ROBO1: variants seen among roughly 807,000 people sequenced by gnomAD.
The protein encoded by ROBO1 is roundabout homolog 1.
Under a neutral mutation model 195.9 loss-of-function variants are expected in ROBO1, and 149 were observed. That is an observed-to-expected ratio of 0.76 (90% confidence interval 0.67 to 0.87). The LOEUF is 0.87. Among genes scored for constraint, ROBO1 ranks in the 40% least tolerant of loss-of-function variants. The pLI is 0.00. For missense variants in ROBO1, 1,933 were observed against 2,068.3 expected (o/e 0.93, Z 1.27); for synonymous variants, 816 against 733.2 (o/e 1.11, Z -1.82).
intron 2 of ROBO1, among the ~76,000 whole-genome samples, chr3:79,487,957 A>C (rs184165231): frequency 6.6e-6 from 1 of 152,290 alleles, no homozygotes; most frequent in Admixed American, 6.5e-5. Flanking sequence ...AATTATGAAG[A>C]TATTAAAAAG....
chr3:79,475,808 C>T (rs1938520681), intron 2 of ROBO1, among the ~76,000 whole-genome samples: 1 of 151,966 alleles, frequency 6.6e-6, no homozygotes. Context: ...CCCCTAAGTA[C>T]AACAAAACAG....
chr3:79,681,810 G>T lies in ROBO1; in HGVS notation c.-51+85942C>A, dbSNP rs544763360. 2.0e-4 allele frequency among the ~76,000 whole-genome samples: 30 copies of T among 152,018 alleles called. 1 individual carries two copies. The Middle Eastern group carries it at 0.014, about 69-fold the overall frequency. The stretch of plus-strand genomic sequence containing the variant: ...AGTGTCATTCACAGACAACAAAACA[G>T]ACAATGGATATCATTCAGAAAAATC... On this transcript the variant is annotated intron_variant, in intron 1 of 30. Transcript: ENST00000464233.
chr3:79,554,371 TA>T (rs1942627126), intron 2 of ROBO1, among the ~76,000 whole-genome samples: 1 of 151,968 alleles, frequency 6.6e-6, no homozygotes, highest in African/African-American at 2.4e-5. Context: ...AAAGCACAAA[TA>T]AAATGTTTTA....
intron 1 of ROBO1, among the ~76,000 whole-genome samples, chr3:79,710,262 C>T (rs1702217102): frequency 6.6e-6 from 1 of 152,048 alleles, no homozygotes. Context: ...TACATGTACA[C>T]TATCTCTCTA....
At chr3:78,833,054 A>G (rs2032372244) in intron 4 of ROBO1, among the ~76,000 whole-genome samples, 1 of 152,090 alleles carries the variant, frequency 6.6e-6, no homozygotes, top group South Asian at 2.1e-4. Flanking sequence ...TTAGAAGCCA[A>G]ATGTTTAAAC....
At chr3:79,390,845 T>A (rs573201343) in intron 2 of ROBO1, among the ~76,000 whole-genome samples, 1 of 152,182 alleles carries the variant, frequency 6.6e-6, no homozygotes, top group African/African-American at 2.4e-5. Flanking sequence ...TATTTTTAGT[T>A]TGGGCATGAA....
intron 2 of ROBO1, among the ~76,000 whole-genome samples, chr3:79,558,098 T>C (rs988158063): frequency 6.6e-6 from 1 of 152,172 alleles, no homozygotes; most frequent in African/African-American, 2.4e-5. Context: ...TCTAGTACAG[T>C]TGAGCCTTGA....
intron 2 of ROBO1, among the ~76,000 whole-genome samples, chr3:79,462,009 T>C (rs575176679): frequency 6.6e-6 from 1 of 152,224 alleles, no homozygotes; most frequent in East Asian, 1.9e-4. Context: ...AATATAATAG[T>C]AAAAATAAGG....
intron 2 of ROBO1, among the ~76,000 whole-genome samples, chr3:79,252,911 T>A (rs1278326597): frequency 6.6e-6 from 1 of 152,106 alleles, no homozygotes; most frequent in Non-Finnish European, 1.5e-5. Flanking sequence ...ATGTCTTGCA[T>A]TAAATTATAC....
At chr3:78,789,579 T>C (rs1304606926) in intron 4 of ROBO1, among the ~76,000 whole-genome samples, 2 of 152,184 alleles carry the variant, frequency 1.3e-5, no homozygotes, top group Non-Finnish European at 2.9e-5. Flanking sequence ...ATGTTCTGTT[T>C]TCCCTACATG....
At chr3:79,720,797 T>TTA (rs2107292000) in intron 1 of ROBO1, among the ~76,000 whole-genome samples, 1 of 151,464 alleles carries the variant, frequency 6.6e-6, no homozygotes, top group Non-Finnish European at 1.5e-5. Flanking sequence ...TGCTAATTTT[T>TTA]TTTTTTTTTT....
At chr3:79,447,058 T>G (rs1227513187) in intron 2 of ROBO1, among the ~76,000 whole-genome samples, 1 of 152,058 alleles carries the variant, frequency 6.6e-6, no homozygotes, top group Non-Finnish European at 1.5e-5. Flanking sequence ...CTCGAACTCC[T>G]GACCTTGTGA....
chr3:79,350,685 T>C (rs1577009406), intron 2 of ROBO1, among the ~76,000 whole-genome samples: 1 of 152,178 alleles, frequency 6.6e-6, no homozygotes, highest in Non-Finnish European at 1.5e-5. Context: ...AAGAGGCTGG[T>C]CACAAAACAC....
chr3:79,632,106 C>T (rs1455182509), intron 1 of ROBO1, among the ~76,000 whole-genome samples: 1 of 152,002 alleles, frequency 6.6e-6, no homozygotes, highest in Non-Finnish European at 1.5e-5. Context: ...AACTACCATT[C>T]GACCCAGAAG....
intron 5 of ROBO1, among the ~76,000 whole-genome samples, chr3:78,721,918 G>A (rs1349206073): frequency 1.3e-5 from 2 of 151,922 alleles, no homozygotes; most frequent in African/African-American, 4.8e-5. Context: ...AGAAGGAGGG[G>A]GATTTAGTTA....
At position 78,598,619 on chromosome 3, in the gene ROBO1, T is replaced by G. The variant is rs1702979041; in HGVS notation, c.*294A>C. The stretch of plus-strand genomic sequence containing the variant: ...GCAAAAGAACAGTTTTGTTCCCTCT[T>G]GCTGGCTGATGACTGAAGCAAGAAG... On this transcript the variant is annotated 3_prime_UTR_variant, in exon 31 of 31. Transcript: ENST00000464233. The G allele has an allele frequency of 3.6e-6, 1 of 275,470 alleles. No homozygotes were observed. Among genetic ancestry groups the G allele is most frequent in the Non-Finnish European group, 6.8e-6 (1 of 147,982 alleles). The allele number at this position is 275,470 out of a possible 1,614,324, so 17.1% of individuals were successfully genotyped here.
chr3:79,203,436 T>C (rs1366296325), intron 2 of ROBO1, among the ~76,000 whole-genome samples: 1 of 152,186 alleles, frequency 6.6e-6, no homozygotes, highest in Non-Finnish European at 1.5e-5. Context: ...TCCTTTCTGT[T>C]AAACAGATAA....
At chr3:79,174,640 C>A (rs1009477764) in intron 2 of ROBO1, among the ~76,000 whole-genome samples, 1 of 151,734 alleles carries the variant, frequency 6.6e-6, no homozygotes, top group South Asian at 2.1e-4. Context: ...TGATAGCAAA[C>A]GGTGAATACA....
intron 2 of ROBO1, among the ~76,000 whole-genome samples, chr3:79,480,582 G>A (rs1475450388): frequency 6.6e-6 from 1 of 152,030 alleles, no homozygotes; most frequent in African/African-American, 2.4e-5. Context: ...TTTTTCTATA[G>A]AGATTTCCAG....
Sources: allele counts gnomAD v4.1 joint callset (sites outside exome capture counted in the v4.1 genomes callset), GRCh38; gene constraint gnomAD v4.1.1; transcripts MANE v1.5; gene names NCBI Gene and HGNC (gene_info 2026-07-23, HGNC 2026-07-21).